MED13L: variants seen among roughly 807,000 people sequenced by gnomAD.
MED13L encodes the protein mediator of RNA polymerase II transcription subunit 13-like.
A neutral mutation model predicts 220.9 loss-of-function variants in MED13L; 7 were observed. The observed-to-expected ratio is 0.03, with a 90% confidence interval of 0.02 to 0.06. The LOEUF is 0.06. Among genes scored for constraint, MED13L ranks in the 10% least tolerant of loss-of-function variants. MED13L has a pLI of 1.00. For synonymous variants in MED13L, 1,011 were observed against 1,015.2 expected, an observed-to-expected ratio of 1.00 and a Z score of 0.08; for missense variants, 1,965 against 2,760.5, an observed-to-expected ratio of 0.71 and a Z score of 6.46.
At chr12:116,126,733 A>G (rs916979164) in intron 2 of MED13L, among the ~76,000 whole-genome samples, 4 of 152,194 alleles carry the variant, frequency 2.6e-5, no homozygotes, top group African/African-American at 9.6e-5. Context: ...CTTCTTTTAT[A>G]GTTATCTTTA....
In MED13L at chr12:116,119,813, A is replaced by T. The variant is rs1238754127; in HGVS notation, c.311-8301T>A. On this transcript the variant is annotated intron_variant, in intron 2 of 30. Transcript: ENST00000281928. ...GAGAGAAAGACCCCATATCTTTAAA[A>T]AAAAAAAAAAAAAAAAAAAAAAAAA... Among the ~76,000 whole-genome samples the T allele has an allele frequency of 2.1e-4, 9 of 42,170 alleles. No individual in the cohort carries two copies. In the East Asian group the frequency reaches 3.0e-3, roughly 14 times the overall value. 27.7% of individuals were successfully genotyped at this position (42,170 alleles called of 152,430 possible). A position where few individuals can be genotyped will look rare whatever the true frequency, so the allele number is the denominator to read the frequency against.
At chr12:116,273,382 T>C (rs565356208) in intron 1 of MED13L, among the ~76,000 whole-genome samples, 92 of 152,104 alleles carry the variant, frequency 6.0e-4, no homozygotes, top group African/African-American at 2.1e-3. Flanking sequence ...AAAATCACAA[T>C]GAACTGGTAC....
At chr12:116,228,477 C>G (rs1869224818) in intron 2 of MED13L, among the ~76,000 whole-genome samples, 1 of 152,074 alleles carries the variant, frequency 6.6e-6, no homozygotes. Context: ...ACCAACCATG[C>G]CCAACTACTG....
intron 2 of MED13L, chr12:116,230,381 C>A (rs2138429315): frequency 4.4e-6 from 3 of 678,640 alleles, no homozygotes; most frequent in East Asian, 2.7e-4. Context: ...GCCTGGGTGA[C>A]AAAGTGAGAC....
intron 28 of MED13L, among the ~76,000 whole-genome samples, chr12:115,968,713 ATTC>A (rs1565983997): frequency 6.6e-6 from 1 of 152,268 alleles, no homozygotes; most frequent in East Asian, 1.9e-4. Context: ...TAATAGGACT[ATTC>A]TTCTGATAAA....
chr12:116,274,231 G>A (rs887591275), intron 1 of MED13L, among the ~76,000 whole-genome samples: 3 of 151,942 alleles, frequency 2.0e-5, no homozygotes, highest in African/African-American at 7.3e-5. Flanking sequence ...ATAAGTAAAA[G>A]ACTAGCAGAA....
At chr12:115,988,384 T>G (rs954890913) in intron 17 of MED13L, among the ~76,000 whole-genome samples, 3 of 152,192 alleles carry the variant, frequency 2.0e-5, no homozygotes, top group Admixed American at 2.0e-4. Flanking sequence ...AACCACCACT[T>G]GCTGGAGCTG....
At chr12:116,206,731 A>G (rs1014740423) in intron 2 of MED13L, among the ~76,000 whole-genome samples, 4 of 152,224 alleles carry the variant, frequency 2.6e-5, no homozygotes, top group African/African-American at 9.6e-5. Flanking sequence ...CTATTTAAAC[A>G]TACTGAAAGA....
chr12:116,241,623 G>C (rs1251472716), intron 1 of MED13L, among the ~76,000 whole-genome samples: 1 of 152,056 alleles, frequency 6.6e-6, no homozygotes, highest in Non-Finnish European at 1.5e-5. Flanking sequence ...AGTGGCAAAG[G>C]GAAGCTGCTA....
At chr12:116,210,705 T>C (rs1473066875) in intron 2 of MED13L, among the ~76,000 whole-genome samples, 2 of 151,318 alleles carry the variant, frequency 1.3e-5, no homozygotes, top group Non-Finnish European at 2.9e-5. Context: ...CAATAAAGAA[T>C]TCCAAAATCC....
At chr12:116,132,715 T>C (rs1876180996) in intron 2 of MED13L, among the ~76,000 whole-genome samples, 2 of 151,400 alleles carry the variant, frequency 1.3e-5, no homozygotes, top group Admixed American at 1.3e-4. Flanking sequence ...GGGTCAGGAG[T>C]TCGAGACCAG....
chr12:116,168,885 A>G (rs1879475479), intron 2 of MED13L, among the ~76,000 whole-genome samples: 1 of 152,216 alleles, frequency 6.6e-6, no homozygotes, highest in Non-Finnish European at 1.5e-5. Context: ...ACTAATTAAA[A>G]ATTTAATATC....
In MED13L at chr12:115,991,729, A is replaced by G. The variant is rs772130694; in HGVS notation, c.3225T>C (p.Asp1075=). 8.7e-6 allele frequency: 14 copies of G among 1,613,734 alleles called. No homozygotes were observed. The highest frequency in any genetic ancestry group is 1.2e-5 in the Non-Finnish European group (14 of 1,179,912). The stretch of plus-strand genomic sequence containing the variant: ...AGGCTGGTGATCCTTGATCGGTGCT[A>G]TCATACTTAACAGACCCTTGACCAC... ...TASGQGSVKY[D]STDQGSPAST... The change falls in exon 17 of 31, where the codon GAT becomes GAC. Residue 1075 remains aspartate, a synonymous_variant. Coordinates refer to ENST00000281928, the MANE Select transcript of MED13L (RefSeq NM_015335.5). This position sits in a 1 kb window ranked among gnomAD's most constrained non-coding sequence, Gnocchi z 7.7.
chr12:116,272,524 C>T (rs1165506047), intron 1 of MED13L, among the ~76,000 whole-genome samples: 1 of 151,790 alleles, frequency 6.6e-6, no homozygotes, highest in African/African-American at 2.4e-5. Flanking sequence ...ACTTCACCAG[C>T]CTGGGTGACA....
chr12:116,231,778 T>A (rs1438828918), intron 2 of MED13L, among the ~76,000 whole-genome samples: 1 of 152,148 alleles, frequency 6.6e-6, no homozygotes, highest in Non-Finnish European at 1.5e-5. Context: ...GTCCGTGAAG[T>A]CTGAAAATTG....
chr12:115,968,872 G>C (rs1876381732), intron 28 of MED13L, 68 bp downstream of exon 28: 9 of 1,572,752 alleles, frequency 5.7e-6, no homozygotes, highest in Admixed American at 1.7e-5. Context: ...AAGATGATCA[G>C]ATGTCCAGTG....
intron 2 of MED13L, among the ~76,000 whole-genome samples, chr12:116,175,323 T>C (rs181928338): frequency 6.6e-6 from 1 of 152,254 alleles, no homozygotes; most frequent in East Asian, 1.9e-4. Flanking sequence ...GTGAGGTTTT[T>C]ATAAAGGTAT....
At chr12:116,114,114 T>A (rs554539421) in intron 2 of MED13L, among the ~76,000 whole-genome samples, 1 of 152,286 alleles carries the variant, frequency 6.6e-6, no homozygotes, top group Non-Finnish European at 1.5e-5. Context: ...TCCTTTTTTT[T>A]AAACATGCAG....
rs561121266 is a variant in MED13L at position 116,135,967 on chromosome 12, G to A, written c.311-24455C>T. 4.7e-5 allele frequency among the ~76,000 whole-genome samples: 7 copies of A among 150,516 alleles called. No individual in the cohort carries two copies. In the South Asian group the frequency reaches 6.3e-4, roughly 14 times the overall value. On this transcript the variant is annotated intron_variant, in intron 2 of 30. Transcript: ENST00000281928. ...TGCCCAGGCTGGAGTGCAGTGGCAC[G>A]ATCTCGGCTCACTGCAACCTCCGCC... is the stretch of plus-strand genomic sequence containing the variant.
Sources: allele counts gnomAD v4.1 joint callset (sites outside exome capture counted in the v4.1 genomes callset), GRCh38; gene constraint gnomAD v4.1.1; non-coding constraint Gnocchi (gnomAD v3.1); transcripts MANE v1.5; gene names NCBI Gene and HGNC (gene_info 2026-07-23, HGNC 2026-07-21).